The following STRADA variants were observed in gnomAD, a reference collection of about 807,000 sequenced individuals.
STRADA encodes the protein STE20 related adaptor alpha.
Under a neutral mutation model 55.0 loss-of-function variants are expected in STRADA, and 26 were observed. That is an observed-to-expected ratio of 0.47 (90% confidence interval 0.35 to 0.66). The LOEUF is 0.66. Ranked by LOEUF, STRADA falls within the 30% of genes least tolerant of loss-of-function variation. The pLI is 0.01. For synonymous variants in STRADA, 197 were observed against 210.9 expected, an observed-to-expected ratio of 0.93 and a Z score of 0.57; for missense variants, 443 against 549.7, an observed-to-expected ratio of 0.81 and a Z score of 1.94.
chr17:63,703,526 G>A lies in STRADA; in HGVS notation c.*73C>T, dbSNP rs2035854167. On this transcript the variant is annotated 3_prime_UTR_variant, in exon 13 of 13. Coordinates refer to ENST00000336174, the MANE Select transcript of STRADA (RefSeq NM_001003787.4). ...AATCTGCCCAGGAGGGCGGGAATGT[G>A]GCCGGCCCTCAGGAAGGGCCTCTGG... The A allele has an allele frequency of 2.1e-5, 30 of 1,422,046 alleles. No homozygotes were observed. The highest frequency in any genetic ancestry group is 2.9e-5 in the Non-Finnish European group (30 of 1,041,554). 88.1% of individuals were successfully genotyped at this position (1,422,046 alleles called of 1,614,324 possible). A position where few individuals can be genotyped will look rare whatever the true frequency, so the allele number is the denominator to read the frequency against.
intron 4 of STRADA, among the ~76,000 whole-genome samples, chr17:63,716,057 G>T (rs1273847180): frequency 6.6e-6 from 1 of 151,140 alleles, no homozygotes; most frequent in African/African-American, 2.4e-5. Context: ...TTTCCAAAAT[G>T]GTTATACCAA....
At chr17:63,731,241 C>T (rs1406200803) in intron 1 of STRADA, among the ~76,000 whole-genome samples, 2 of 146,504 alleles carry the variant, frequency 1.4e-5, no homozygotes, top group Admixed American at 6.9e-5. Context: ...CTGCACCTGG[C>T]CCTGATATTC....
chr17:63,740,153 C>CATACATATATATAT (rs1463725651), intron 1 of STRADA, among the ~76,000 whole-genome samples: 5 of 86,264 alleles, frequency 5.8e-5, no homozygotes, highest in East Asian at 4.4e-4. Context: ...TATATACACA[C>CATACATATATATAT]ACACACACAC....
intron 1 of STRADA, among the ~76,000 whole-genome samples, chr17:63,738,674 A>G (rs970911467): frequency 6.6e-5 from 10 of 151,472 alleles, no homozygotes; most frequent in African/African-American, 2.4e-4. Context: ...CCCAGGCAAT[A>G]TGGTGAAACC....
chr17:63,735,019 G>C (rs1489343295), intron 1 of STRADA, among the ~76,000 whole-genome samples: 1 of 152,060 alleles, frequency 6.6e-6, no homozygotes, highest in Non-Finnish European at 1.5e-5. Flanking sequence ...ATTAGGCATG[G>C]TGGCGGGCAC....
chr17:63,713,819 C>T (rs1440029702), intron 5 of STRADA, among the ~76,000 whole-genome samples, 187 bp downstream of exon 5: 1 of 152,150 alleles, frequency 6.6e-6, no homozygotes, highest in East Asian at 1.9e-4. Flanking sequence ...AGCTTCTTTC[C>T]TGGAAGTTTG....
In STRADA at chr17:63,706,482, G is replaced by A. The variant is rs537076082; in HGVS notation, c.858+153C>T. Reference sequence around the variant, plus strand: ...CCACAGGAAGTAAACAAAGAGTGAGGTCACTATCCCCCACTGGGTGGGACT... The same window carrying A: ...CCACAGGAAGTAAACAAAGAGTGAGATCACTATCCCCCACTGGGTGGGACT... On this transcript the variant is annotated intron_variant, in intron 10 of 12. Coordinates refer to ENST00000336174, the MANE Select transcript of STRADA (RefSeq NM_001003787.4). 2.5e-5 allele frequency: 16 copies of A among 646,442 alleles called. No individual in the cohort carries two copies. The East Asian group carries it at 3.7e-4, about 15-fold the overall frequency. The allele number at this position is 646,442 out of a possible 1,614,324, so 40.0% of individuals were successfully genotyped here. A position where few individuals can be genotyped will look rare whatever the true frequency, so the allele number is the denominator to read the frequency against.
chr17:63,711,600 C>T (rs1270592481), intron 6 of STRADA, among the ~76,000 whole-genome samples: 2 of 151,764 alleles, frequency 1.3e-5, no homozygotes, highest in African/African-American at 4.8e-5. Context: ...GGATTGCAGG[C>T]GTGAGCCACT....
chr17:63,734,748 A>G (rs1030293708), intron 1 of STRADA, among the ~76,000 whole-genome samples: 1 of 152,246 alleles, frequency 6.6e-6, no homozygotes, highest in Non-Finnish European at 1.5e-5. Context: ...CCACATGTGT[A>G]TTTCAGTCCT....
In STRADA at chr17:63,704,613, T is replaced by C. The variant is rs571768059; in HGVS notation, c.859-31A>G. The C allele has an allele frequency of 1.5e-4, 91 of 619,426 alleles. No individual in the cohort carries two copies. In the South Asian group the frequency reaches 3.6e-3, roughly 25 times the overall value. The allele number at this position is 619,426 out of a possible 1,614,324, so 38.4% of individuals were successfully genotyped here. A position where few individuals can be genotyped will look rare whatever the true frequency, so the allele number is the denominator to read the frequency against. On this transcript the variant is annotated intron_variant, in intron 10 of 12. Transcript: ENST00000336174. Reference sequence around the variant, plus strand: ...GAGGACAGAACCAGGACCTGGGCTGTAGCGGGTGGGGGGGGGGGGTGGTCC... The same window carrying C: ...GAGGACAGAACCAGGACCTGGGCTGCAGCGGGTGGGGGGGGGGGGTGGTCC...
chr17:63,740,107 T>TATATATATATAC lies in STRADA; in HGVS notation c.-45+1633_-45+1634insGTATATATATAT, dbSNP rs1309095081. Among the ~76,000 whole-genome samples, 57 of 49,650 alleles carry TATATATATATAC rather than the reference T, an allele frequency of 1.1e-3. 7 individuals are homozygous for TATATATATATAC. Among genetic ancestry groups the TATATATATATAC allele is most frequent in the South Asian group, 6.1e-3 (6 of 978 alleles). The allele number at this position is 49,650 out of a possible 152,430, so 32.6% of individuals were successfully genotyped here. ...AACACTATATATATATATATATATA[T>TATATATATATAC]ACATACATACATATATATATACACA... On this transcript the variant is annotated intron_variant, in intron 1 of 12. Transcript: ENST00000336174.
At chr17:63,716,115 T>A (rs1175871894) in intron 4 of STRADA, among the ~76,000 whole-genome samples, 1 of 151,102 alleles carries the variant, frequency 6.6e-6, no homozygotes, top group East Asian at 1.9e-4. Flanking sequence ...TTTTTTTTTT[T>A]AGACGGAGTC....
At chr17:63,714,181 T>G (rs750496897) in intron 4 of STRADA, 73 bp from the exon 5 acceptor site, 2 of 1,129,568 alleles carry the variant, frequency 1.8e-6, no homozygotes, top group South Asian at 1.3e-5. Context: ...AAGGTGGTAA[T>G]TCAGACCCAC....
chr17:63,704,915 G>A (rs1372356712), intron 10 of STRADA: 23 of 1,535,726 alleles, frequency 1.5e-5, no homozygotes, highest in Non-Finnish European at 2.0e-5. Context: ...CACCCTAGAG[G>A]GAAGGAGCAG....
chr17:63,738,649 G>A (rs1312522445), intron 1 of STRADA, among the ~76,000 whole-genome samples: 2 of 151,174 alleles, frequency 1.3e-5, no homozygotes, highest in African/African-American at 2.4e-5. Flanking sequence ...CCTGAGCTCC[G>A]CAGTTCCACA....
At chr17:63,707,515 G>A (rs2036181938) in intron 8 of STRADA, 97 bp from the exon 9 acceptor site, 2 of 1,182,798 alleles carry the variant, frequency 1.7e-6, no homozygotes, top group Admixed American at 3.8e-5. Context: ...TCTCTCCTGT[G>A]TGCGTGTGTT....
At chr17:63,738,887 C>T (rs1193350060) in intron 1 of STRADA, among the ~76,000 whole-genome samples, 1 of 149,846 alleles carries the variant, frequency 6.7e-6, no homozygotes, top group East Asian at 2.0e-4. Context: ...TGCGGTGGCT[C>T]ACGCCTGTAA....
chr17:63,739,358 C>G (rs2038695369), intron 1 of STRADA, among the ~76,000 whole-genome samples: 2 of 151,958 alleles, frequency 1.3e-5, no homozygotes, highest in Admixed American at 1.3e-4. Context: ...TTATGAAGGA[C>G]TTTTCTATTT....
chr17:63,710,656 G>A (rs373386520), intron 7 of STRADA, 42 bp from the exon 8 acceptor site: 10 of 1,613,918 alleles, frequency 6.2e-6, no homozygotes, highest in Non-Finnish European at 7.6e-6. Context: ...AGGTAATGGA[G>A]GAGGAAAACA....
Sources: allele counts gnomAD v4.1 joint callset (sites outside exome capture counted in the v4.1 genomes callset), GRCh38; gene constraint gnomAD v4.1.1; transcripts MANE v1.5; gene names NCBI Gene and HGNC (gene_info 2026-07-23, HGNC 2026-07-21).